CCDC7: variants seen among roughly 807,000 people sequenced by gnomAD.
CCDC7 encodes the protein coiled-coil domain containing 7.
CCDC7 carries 183 observed loss-of-function variants against 196.9 expected under a neutral mutation model. The observed-to-expected ratio is 0.93, with a 90% CI of 0.82 to 1.05. CCDC7 has a LOEUF of 1.05. Ranked by LOEUF, CCDC7 falls within the 50% of genes least tolerant of loss-of-function variation. The pLI, the probability that CCDC7 is intolerant of heterozygous loss-of-function variation, is 0.00. For missense variants in CCDC7, 1,540 were observed against 1,482.2 expected, an observed-to-expected ratio of 1.04 and a Z score of -0.64; for synonymous variants, 525 against 484.6, an observed-to-expected ratio of 1.08 and a Z score of -1.10.
intron 9 of CCDC7, among the ~76,000 whole-genome samples, chr10:32,517,503 G>A (rs1490672465): frequency 5.3e-5 from 8 of 150,908 alleles, no homozygotes; most frequent in Non-Finnish European, 7.4e-5. Context: ...CAAAGTGTCC[G>A]TTAAACTTCA....
chr10:32,819,809 C>T (rs1439254546), intron 31 of CCDC7, among the ~76,000 whole-genome samples: 1 of 152,158 alleles, frequency 6.6e-6, no homozygotes, highest in African/African-American at 2.4e-5. Context: ...ATTGATGGGA[C>T]ATATCTCAAA....
chr10:32,800,833 CT>C (rs1191622380), intron 29 of CCDC7, among the ~76,000 whole-genome samples: 1 of 152,140 alleles, frequency 6.6e-6, no homozygotes, highest in Non-Finnish European at 1.5e-5. Flanking sequence ...TCAAATCAGT[CT>C]TTTGTCCACT....
intron 31 of CCDC7, among the ~76,000 whole-genome samples, chr10:32,821,578 A>T (rs1427432873): frequency 6.6e-6 from 1 of 152,220 alleles, no homozygotes; most frequent in Non-Finnish European, 1.5e-5. Context: ...TCCAACAATG[A>T]TAGACTGGAT....
chr10:32,562,992 A>G (rs920374560), intron 13 of CCDC7, among the ~76,000 whole-genome samples: 34 of 152,312 alleles, frequency 2.2e-4, no homozygotes, highest in African/African-American at 7.5e-4. Context: ...AATCACAGGC[A>G]TTCTTATACA....
At chr10:32,650,908 G>A (rs901349833) in intron 20 of CCDC7, among the ~76,000 whole-genome samples, 1 of 152,204 alleles carries the variant, frequency 6.6e-6, no homozygotes, top group Non-Finnish European at 1.5e-5. Flanking sequence ...GGGACAGTTA[G>A]GGAAGGTTCC....
chr10:32,664,462 G>C (rs1481648747), intron 21 of CCDC7, among the ~76,000 whole-genome samples: 2 of 151,894 alleles, frequency 1.3e-5, no homozygotes, highest in East Asian at 1.9e-4. Flanking sequence ...CTCATTTCCA[G>C]CTGAAATGTG....
At chr10:32,746,778 C>T (rs190963221) in intron 28 of CCDC7, among the ~76,000 whole-genome samples, 6 of 152,290 alleles carry the variant, frequency 3.9e-5, no homozygotes, top group East Asian at 3.9e-4. Context: ...GCAGCCTCCT[C>T]GCACCACTTT....
chr10:32,554,897 G>A (rs1029211630), intron 13 of CCDC7, among the ~76,000 whole-genome samples: 1 of 151,934 alleles, frequency 6.6e-6, no homozygotes, highest in Admixed American at 6.6e-5. Context: ...ATCATTCTGC[G>A]CTCTATCTCC....
chr10:32,636,166 G>C (rs1339421600), intron 20 of CCDC7, among the ~76,000 whole-genome samples: 1 of 152,122 alleles, frequency 6.6e-6, no homozygotes, highest in Non-Finnish European at 1.5e-5. Context: ...TGAGTCATTA[G>C]CATATATTGC....
At chr10:32,761,060 T>C (rs1309249465) in intron 28 of CCDC7, among the ~76,000 whole-genome samples, 1 of 152,084 alleles carries the variant, frequency 6.6e-6, no homozygotes, top group African/African-American at 2.4e-5. Flanking sequence ...TTGTATTTTA[T>C]TCTCTAAAAG....
chr10:32,586,418 C>T (rs1436092402), intron 18 of CCDC7, among the ~76,000 whole-genome samples: 1 of 152,078 alleles, frequency 6.6e-6, no homozygotes, highest in Non-Finnish European at 1.5e-5. Flanking sequence ...GTTGCCATTG[C>T]TTTTGGTGTT....
At chr10:32,650,102 G>C (rs2068472777) in intron 20 of CCDC7, among the ~76,000 whole-genome samples, 1 of 152,162 alleles carries the variant, frequency 6.6e-6, no homozygotes, top group African/African-American at 2.4e-5. Flanking sequence ...TGAATTACCA[G>C]GGTCCTTGTC....
chr10:32,878,485 G>A (rs865868906), downstream of CCDC7, among the ~76,000 whole-genome samples: 1 of 152,048 alleles, frequency 6.6e-6, no homozygotes, highest in Admixed American at 6.6e-5. Context: ...ACTTTTTCAG[G>A]ATAGCAGGAT....
At chr10:32,823,320 T>G (rs1258529402) in intron 31 of CCDC7, among the ~76,000 whole-genome samples, 2 of 150,804 alleles carry the variant, frequency 1.3e-5, no homozygotes, top group South Asian at 2.1e-4. Context: ...TTTTGTGTTT[T>G]TAGTAGAGAC....
chr10:32,598,818 T>G (rs2060691742), intron 18 of CCDC7, among the ~76,000 whole-genome samples: 1 of 152,214 alleles, frequency 6.6e-6, no homozygotes, highest in African/African-American at 2.4e-5. Context: ...AAGACTTGTT[T>G]TGTGTCCTAA....
At chr10:32,515,946 G>A (rs2046962829) in intron 9 of CCDC7, among the ~76,000 whole-genome samples, 1 of 152,066 alleles carries the variant, frequency 6.6e-6, no homozygotes, top group Middle Eastern at 3.2e-3. Context: ...AAATCTTTGT[G>A]ACATTGGGTT....
intron 9 of CCDC7, among the ~76,000 whole-genome samples, chr10:32,515,404 C>T (rs912417866): frequency 1.7e-4 from 26 of 152,102 alleles, no homozygotes; most frequent in African/African-American, 6.3e-4. Flanking sequence ...GTTGAAAGTC[C>T]ACAAATAAAC....
chr10:32,694,813 G>T, intron 23 of CCDC7, 66 bp from the exon 25 acceptor site: 1 of 929,658 alleles, frequency 1.1e-6, no homozygotes, highest in East Asian at 2.7e-5. Context: ...TTACAAGTTT[G>T]AAATCTAGAG....
intron 28 of CCDC7, among the ~76,000 whole-genome samples, chr10:32,746,188 C>A (rs1050756264): frequency 1.3e-5 from 2 of 152,032 alleles, no homozygotes; most frequent in African/African-American, 4.8e-5. Flanking sequence ...AGGATGTAGA[C>A]CCTGGGCTGA....
Sources: gnomAD v4.1 joint callset for allele counts (sites outside exome capture counted in the v4.1 genomes callset) on GRCh38, gnomAD v4.1.1 for gene constraint, MANE v1.5 for transcripts, NCBI Gene and HGNC (gene_info 2026-07-23, HGNC 2026-07-21) for gene names.